Variants in C20orf203 observed in about 807,000 individuals in gnomAD.
C20orf203 encodes the protein uncharacterized protein C20orf203.
A neutral mutation model predicts 15.9 loss-of-function variants in C20orf203; 16 were observed. That is an observed-to-expected ratio of 1.01 (90% CI 0.68 to 1.53). C20orf203 has a LOEUF of 1.53. Ranked by LOEUF, C20orf203 falls within the 40% of genes most tolerant of loss-of-function variation. The pLI, the probability that C20orf203 is intolerant of heterozygous loss-of-function variation, is 0.00. For synonymous variants in C20orf203, 98 were observed against 97.2 expected (o/e 1.01, Z -0.05); for missense variants, 263 against 247.5 (o/e 1.06, Z -0.42).
intron 4 of C20orf203, among the ~76,000 whole-genome samples, chr20:32,646,619 A>C (rs1366923798): frequency 6.6e-6 from 1 of 152,206 alleles, no homozygotes; most frequent in African/African-American, 2.4e-5. Flanking sequence ...TGACTCCAGA[A>C]GGAAACACAA....
intron 1 of C20orf203, among the ~76,000 whole-genome samples, chr20:32,667,261 G>A (rs1983059175): frequency 6.6e-6 from 1 of 152,160 alleles, no homozygotes; most frequent in Admixed American, 6.5e-5. Context: ...TTAAGCAGGG[G>A]CATCATGTGA....
At chr20:32,672,778 T>C (rs1983204648) in intron 1 of C20orf203, among the ~76,000 whole-genome samples, 1 of 152,042 alleles carries the variant, frequency 6.6e-6, no homozygotes, top group East Asian at 1.9e-4. Flanking sequence ...CTCACAGCAT[T>C]TCACACAGTT....
chr20:32,654,057 C>T (rs941947066), intron 1 of C20orf203, among the ~76,000 whole-genome samples: 2 of 149,866 alleles, frequency 1.3e-5, no homozygotes, highest in African/African-American at 2.5e-5. Context: ...CACGCCACTG[C>T]ACTCCAGCCT....
intron 1 of C20orf203, among the ~76,000 whole-genome samples, chr20:32,659,337 C>T (rs1982836495): frequency 6.6e-6 from 1 of 152,210 alleles, no homozygotes; most frequent in South Asian, 2.1e-4. Context: ...GGCAGGAGGC[C>T]TGGGGCTAGG....
At chr20:32,661,621 T>C (rs993562630) in intron 1 of C20orf203, among the ~76,000 whole-genome samples, 2 of 152,044 alleles carry the variant, frequency 1.3e-5, no homozygotes, top group African/African-American at 4.8e-5. Flanking sequence ...TGAGCAGGAA[T>C]TTGTCTGGGA....
intron 4 of C20orf203, among the ~76,000 whole-genome samples, chr20:32,644,151 A>G (rs1982359748): frequency 6.6e-6 from 1 of 152,218 alleles, no homozygotes; most frequent in African/African-American, 2.4e-5. Context: ...GGAGCCTTCT[A>G]GAAAAAGGAG....
rs1052557416 is a variant in C20orf203, at chr20:32,650,358, G to A, written c.*74C>T. On this transcript the variant is annotated 3_prime_UTR_variant, in exon 4 of 6. Coordinates refer to ENST00000608990, the MANE Select transcript of C20orf203 (RefSeq NM_182584.4). ...GAATGATTGTGGGGGGTGGTAACAG[G>A]GGACACCCTGAGGTGGTGGTGGCCT... 45 of 1,080,800 alleles carry A rather than the reference G, an allele frequency of 4.2e-5. No homozygotes were observed. Among genetic ancestry groups the A allele is most frequent in the Non-Finnish European group, 5.8e-5 (43 of 738,452 alleles). 67.0% of individuals were successfully genotyped at this position (1,080,800 alleles called of 1,614,324 possible).
At chr20:32,662,883 A>AT (rs1349653578) in intron 1 of C20orf203, among the ~76,000 whole-genome samples, 7 of 98,160 alleles carry the variant, frequency 7.1e-5, no homozygotes, top group African/African-American at 2.0e-4. Context: ...CTCTGTCTCT[A>AT]TAAAAAAAAA....
intron 4 of C20orf203, among the ~76,000 whole-genome samples, chr20:32,646,336 G>A (rs1054136537): frequency 1.8e-4 from 27 of 152,072 alleles, no homozygotes; most frequent in African/African-American, 6.0e-4. Flanking sequence ...CTCCCGAGTA[G>A]CTGGGATTAC....
At chr20:32,662,672 G>C (rs1345331462) in intron 1 of C20orf203, among the ~76,000 whole-genome samples, 1 of 151,910 alleles carries the variant, frequency 6.6e-6, no homozygotes, top group Admixed American at 6.6e-5. Flanking sequence ...GTCCTTCTCA[G>C]TGTGAATGGC....
Position 32,673,770 on chromosome 20 carries a change from CGCAAA to C in C20orf203, c.-407_-403del, listed in dbSNP as rs1983234659. The C allele has an allele frequency of 6.6e-6, 1 of 152,192 alleles. No homozygotes were observed. The highest frequency in any genetic ancestry group is 1.9e-4 in the East Asian group (1 of 5,202). 9.4% of individuals were successfully genotyped at this position (152,192 alleles called of 1,614,324 possible). A position where few individuals can be genotyped will look rare whatever the true frequency, so the allele number is the denominator to read the frequency against. ...CCTTTGCTCACTGTGATGTCTCCGA[CGCAAA>C]GCAGAGAGCCCGCCAGCGTAGCCAC... is the stretch of plus-strand genomic sequence containing the variant. On this transcript the variant is annotated 5_prime_UTR_variant, in exon 1 of 6. Coordinates refer to ENST00000608990, the MANE Select transcript of C20orf203 (RefSeq NM_182584.4).
chr20:32,645,870 G>A (rs1455347817), intron 4 of C20orf203, among the ~76,000 whole-genome samples: 2 of 152,230 alleles, frequency 1.3e-5, no homozygotes, highest in African/African-American at 2.4e-5. Context: ...GTCCAGTACA[G>A]TGGCCAGCAG....
At position 32,664,357 on chromosome 20, in the gene C20orf203, C is replaced by T. The variant is rs115505701; in HGVS notation, c.-264+9275G>A. ...GAAGCCAGTGGTCTCCAGCCTGGATCCCCACACAGGTTTCCAGAGAAGGGG... is the reference window on the plus strand; with the variant it reads ...GAAGCCAGTGGTCTCCAGCCTGGATTCCCACACAGGTTTCCAGAGAAGGGG... On this transcript the variant is annotated intron_variant, in intron 1 of 5. Coordinates refer to ENST00000608990, the MANE Select transcript of C20orf203 (RefSeq NM_182584.4). 3.5e-3 allele frequency among the ~76,000 whole-genome samples: 531 copies of T among 152,320 alleles called. 4 individuals carry two copies. The highest frequency in any genetic ancestry group is 0.012 in the African/African-American group (509 of 41,574).
At chr20:32,669,352 C>A (rs990981560) in intron 1 of C20orf203, among the ~76,000 whole-genome samples, 20 of 152,340 alleles carry the variant, frequency 1.3e-4, no homozygotes, top group Admixed American at 1.1e-3. Context: ...GATCCTATGG[C>A]CCGAATTTTC....
intron 1 of C20orf203, among the ~76,000 whole-genome samples, chr20:32,652,384 C>A (rs1193242614): frequency 6.6e-6 from 1 of 151,016 alleles, no homozygotes; most frequent in Non-Finnish European, 1.5e-5. Flanking sequence ...GCCCAGCAGC[C>A]CTCCATGCAA....
rs1003667104 is a variant in C20orf203, at chr20:32,632,113, C to G, written c.*3457G>C. 1 of 152,200 alleles carries G rather than the reference C, an allele frequency of 6.6e-6. No individual in the cohort carries two copies. The highest frequency in any genetic ancestry group is 2.4e-5 in the African/African-American group (1 of 41,430). The allele number at this position is 152,200 out of a possible 1,614,324, so 9.4% of individuals were successfully genotyped here. ...GACCCCCAGGGCTTAGGCAGGATGC[C>G]GCGTGGAACCCAGAGCAGTCTCCCC... On this transcript the variant is annotated 3_prime_UTR_variant, in exon 6 of 6. Coordinates refer to ENST00000608990, the MANE Select transcript of C20orf203 (RefSeq NM_182584.4).
chr20:32,668,899 T>C (rs942228336), intron 1 of C20orf203, among the ~76,000 whole-genome samples: 7 of 152,186 alleles, frequency 4.6e-5, no homozygotes, highest in African/African-American at 1.4e-4. Flanking sequence ...GGTTGTCCCT[T>C]CATCCAGACA....
rs2145671180 is a variant in C20orf203 at position 32,650,505 on chromosome 20, G to A, written c.512C>T (p.Pro171Leu). The A allele has an allele frequency of 1.3e-6, 2 of 1,550,496 alleles. No homozygotes were observed. The highest frequency in any genetic ancestry group is 1.7e-6 in the Non-Finnish European group (2 of 1,146,886). The change falls in exon 4 of 6, where the codon CCA becomes CTA. Residue 171 changes from proline to leucine, a missense_variant. Coordinates refer to ENST00000608990, the MANE Select transcript of C20orf203 (RefSeq NM_182584.4). ...CFQDFCLPSL[P>L]GKLPAPLISK... Reference sequence around the variant, plus strand: ...AATTAAAGGTGCAGGCAACTTGCCTGGCAAGGATGGGAGGCAGAAGTCCTG... The same window carrying A: ...AATTAAAGGTGCAGGCAACTTGCCTAGCAAGGATGGGAGGCAGAAGTCCTG...
intron 4 of C20orf203, among the ~76,000 whole-genome samples, chr20:32,646,902 A>G (rs1040122776): frequency 3.3e-5 from 5 of 152,130 alleles, no homozygotes; most frequent in Admixed American, 1.3e-4. Flanking sequence ...AGCTACACCC[A>G]TGCCTCACCC....
Sources: gnomAD v4.1 joint callset for allele counts (sites outside exome capture counted in the v4.1 genomes callset) on GRCh38, gnomAD v4.1.1 for gene constraint, MANE v1.5 for transcripts, NCBI Gene and HGNC (gene_info 2026-07-23, HGNC 2026-07-21) for gene names.